The following AOPEP variants were observed in gnomAD, a reference collection of about 807,000 sequenced individuals.
The protein encoded by AOPEP is aminopeptidase O.
Under a neutral mutation model 98.1 loss-of-function variants are expected in AOPEP, and 77 were observed. The observed-to-expected ratio is 0.78, with a 90% confidence interval of 0.65 to 0.95. The LOEUF (loss-of-function observed/expected upper bound fraction) is 0.95, where lower values mean the gene tolerates loss of function less well. AOPEP is among the 40% of genes least tolerant of loss of function. The pLI is 0.00. For synonymous variants in AOPEP, 346 were observed against 365.3 expected (o/e 0.95, Z 0.60); for missense variants, 1,024 against 1,024.7 (o/e 1.00, Z 0.01).
At chr9:94,915,674 G>A (rs2052697520) in intron 5 of AOPEP, among the ~76,000 whole-genome samples, 1 of 152,202 alleles carries the variant, frequency 6.6e-6, no homozygotes, top group Admixed American at 6.5e-5. Context: ...TTGCGCTCAG[G>A]CCTCTTGTTG....
chr9:95,057,416 C>A (rs2066920918), intron 13 of AOPEP, among the ~76,000 whole-genome samples: 1 of 152,252 alleles, frequency 6.6e-6, no homozygotes, highest in Non-Finnish European at 1.5e-5. Context: ...CCTCGTACCA[C>A]CCGGTGCTGC....
intron 13 of AOPEP, among the ~76,000 whole-genome samples, chr9:95,017,087 A>C (rs2063068518): frequency 6.6e-6 from 1 of 151,948 alleles, no homozygotes; most frequent in Non-Finnish European, 1.5e-5. Flanking sequence ...TATGAAGGGC[A>C]TGAGACATTA....
intron 9 of AOPEP, among the ~76,000 whole-genome samples, chr9:94,957,979 A>C (rs1482881262): frequency 6.6e-6 from 1 of 152,074 alleles, no homozygotes; most frequent in Non-Finnish European, 1.5e-5. Flanking sequence ...AAGTACATTC[A>C]CATTTTTGTG....
chr9:95,108,344 G>GT, the AOPEP span, among the ~76,000 whole-genome samples: 466 of 152,358 alleles, frequency 3.1e-3, 10 homozygotes, highest in South Asian at 0.044. Flanking sequence ...AGCCTGCCGG[G>GT]TCTGATGGTG....
the AOPEP span, among the ~76,000 whole-genome samples, chr9:95,118,309 G>A: frequency 6.6e-6 from 1 of 152,236 alleles, no homozygotes; most frequent in African/African-American, 2.4e-5. Flanking sequence ...ATGAGCCACT[G>A]AGCCTGGCTC....
Position 94,924,098 on chromosome 9 carries a change from C to A in AOPEP, c.1477C>A (p.Arg493=). 6.6e-7 allele frequency: 1 copy of A among 1,512,178 alleles called. No homozygotes were observed. The highest frequency in any genetic ancestry group is 8.9e-7 in the Non-Finnish European group (1 of 1,126,746). The allele number at this position is 1,512,178 out of a possible 1,614,324, so 93.7% of individuals were successfully genotyped here. A position where few individuals can be genotyped will look rare whatever the true frequency, so the allele number is the denominator to read the frequency against. ...HAWFGLAIGA[R]DWTEEWLSEG... ...CTGGTTTGGCCTAGCCATCGGGGCC[C>A]GAGACTGGACGGAGGAGTGGCTGAG... Residue 493 remains arginine, a synonymous_variant, in exon 6 of 17, where the codon CGA becomes AGA. Coordinates refer to ENST00000375315, the MANE Select transcript of AOPEP (RefSeq NM_001193329.3).
chr9:95,118,042 G>A, the AOPEP span, among the ~76,000 whole-genome samples: 2 of 151,432 alleles, frequency 1.3e-5, no homozygotes, highest in African/African-American at 4.9e-5. Flanking sequence ...TTATTGAGAT[G>A]GAGTCTCCTT....
At chr9:94,866,170 T>C (rs2045685205) in intron 5 of AOPEP, among the ~76,000 whole-genome samples, 1 of 152,176 alleles carries the variant, frequency 6.6e-6, no homozygotes, top group African/African-American at 2.4e-5. Flanking sequence ...CAAAGAGCCA[T>C]GTGGCTCAAG....
In AOPEP at chr9:94,979,431, A is replaced by G. The variant is rs748427870; in HGVS notation, c.1977+4A>G. 1.3e-6 allele frequency: 2 copies of G among 1,583,830 alleles called. No individual in the cohort carries two copies. The highest frequency in any genetic ancestry group is 1.7e-6 in the Non-Finnish European group (2 of 1,157,274). ...TGAGAGTTCCGGAATACCAAAGGTA[A>G]CTCAAGATAACCACTTTGGTAGAAT... is the stretch of plus-strand genomic sequence containing the variant. On this transcript the variant is annotated splice_donor_region_variant and intron_variant, in intron 11 of 16. Transcript: ENST00000375315.
the AOPEP span, among the ~76,000 whole-genome samples, chr9:95,130,173 T>C: frequency 6.6e-6 from 1 of 152,194 alleles, no homozygotes; most frequent in Non-Finnish European, 1.5e-5. Context: ...GTTATTTTCA[T>C]ACCAACTCAC....
At chr9:94,938,310 A>G (rs2056579129) in intron 7 of AOPEP, among the ~76,000 whole-genome samples, 1 of 152,188 alleles carries the variant, frequency 6.6e-6, no homozygotes, top group African/African-American at 2.4e-5. Context: ...TGTTGAAAAA[A>G]TGAATCTCAT....
At chr9:94,984,403 C>A (rs1274598843) in intron 11 of AOPEP, among the ~76,000 whole-genome samples, 1 of 151,838 alleles carries the variant, frequency 6.6e-6, no homozygotes, top group Non-Finnish European at 1.5e-5. Flanking sequence ...TTTGAAATAC[C>A]TTGGGTATGT....
chr9:94,943,996 A>T (rs1198761072), intron 7 of AOPEP, among the ~76,000 whole-genome samples: 1 of 151,768 alleles, frequency 6.6e-6, no homozygotes, highest in Non-Finnish European at 1.5e-5. Flanking sequence ...GCAGATGGCC[A>T]ATGAGCACAT....
At chr9:94,776,020 T>A (rs1386647093) in intron 3 of AOPEP, among the ~76,000 whole-genome samples, 1 of 151,766 alleles carries the variant, frequency 6.6e-6, no homozygotes, top group Non-Finnish European at 1.5e-5. Flanking sequence ...TTTTTATATT[T>A]AAAAATAAGT....
At chr9:95,077,786 A>C (rs1490685393) in intron 14 of AOPEP, among the ~76,000 whole-genome samples, 1 of 152,150 alleles carries the variant, frequency 6.6e-6, no homozygotes, top group Non-Finnish European at 1.5e-5. Context: ...AGTGAGACTG[A>C]TGTCATCCCC....
chr9:95,017,522 C>T (rs1292873092), intron 13 of AOPEP, among the ~76,000 whole-genome samples: 1 of 152,176 alleles, frequency 6.6e-6, no homozygotes, highest in Non-Finnish European at 1.5e-5. Context: ...ACTGAAATGT[C>T]GTTATGCAGC....
At chr9:94,793,700 A>G (rs1314615636) in intron 4 of AOPEP, among the ~76,000 whole-genome samples, 1 of 112,490 alleles carries the variant, frequency 8.9e-6, no homozygotes, top group Non-Finnish European at 1.9e-5. Context: ...AGGAAAAAAG[A>G]AAGGAAAGCG....
rs2058349624 is a variant in AOPEP, at chr9:94,954,889, G to A, written c.1662-288G>A. Among the ~76,000 whole-genome samples, 4 of 152,080 alleles carry A rather than the reference G, an allele frequency of 2.6e-5. No individual in the cohort carries two copies. The South Asian group carries it at 6.2e-4, about 24-fold the overall frequency. ...AGTCTGTCATCAAAAAAGGGTATAC[G>A]TTCTTAGATAATTTATAGTAGAGCT... On this transcript the variant is annotated intron_variant, in intron 7 of 16. Coordinates refer to ENST00000375315, the MANE Select transcript of AOPEP (RefSeq NM_001193329.3).
the AOPEP span, chr9:95,111,187 A>G: frequency 6.5e-7 from 1 of 1,536,072 alleles, no homozygotes; most frequent in Non-Finnish European, 8.7e-7. Flanking sequence ...GCAGCTGAGC[A>G]ATAACAGATC....
Sources: gnomAD v4.1 joint callset for allele counts (sites outside exome capture counted in the v4.1 genomes callset) on GRCh38, gnomAD v4.1.1 for gene constraint, MANE v1.5 for transcripts, NCBI Gene and HGNC (gene_info 2026-07-23, HGNC 2026-07-21) for gene names.